CNTN4: variants seen among roughly 807,000 people sequenced by gnomAD.
CNTN4 encodes contactin-4.
Under a neutral mutation model 122.5 loss-of-function variants are expected in CNTN4, and 77 were observed. That is an observed-to-expected ratio of 0.63 (90% CI 0.52 to 0.76). CNTN4 has a LOEUF of 0.76. CNTN4 is among the 30% of genes least tolerant of loss of function. The pLI is 0.00. For synonymous variants in CNTN4, 512 were observed against 447.0 expected, an observed-to-expected ratio of 1.15 and a Z score of -1.83; for missense variants, 1,256 against 1,259.1, an observed-to-expected ratio of 1.00 and a Z score of 0.04.
intron 2 of CNTN4, among the ~76,000 whole-genome samples, chr3:2,182,987 T>A (rs1050988147): frequency 3.9e-5 from 6 of 152,122 alleles, no homozygotes; most frequent in Non-Finnish European, 7.4e-5. Context: ...AAGAACTATA[T>A]CCATATGGTA....
intron 4 of CNTN4, among the ~76,000 whole-genome samples, chr3:2,587,017 A>G (rs2080233810): frequency 6.6e-6 from 1 of 152,172 alleles, no homozygotes; most frequent in Non-Finnish European, 1.5e-5. Flanking sequence ...ATTTTCTTCA[A>G]ACATGCCTTC....
At chr3:2,172,898 G>C (rs2036577588) in intron 2 of CNTN4, among the ~76,000 whole-genome samples, 2 of 152,196 alleles carry the variant, frequency 1.3e-5, no homozygotes, top group Non-Finnish European at 2.9e-5. Flanking sequence ...CTTGGTCCCT[G>C]ATGGCATGTA....
Position 2,424,972 on chromosome 3 carries a change from C to T in CNTN4, c.-89+85739C>T, listed in dbSNP as rs2047763923. Among the ~76,000 whole-genome samples, 3 of 152,246 alleles carry T rather than the reference C, an allele frequency of 2.0e-5. No homozygotes were observed. The South Asian group carries it at 6.2e-4, about 32-fold the overall frequency. ...TTCTTTGTAGATTCTGGATATTACC[C>T]ATTTGTCAGATGGGTAGATTGCAAA... is the stretch of plus-strand genomic sequence containing the variant. On this transcript the variant is annotated intron_variant, in intron 3 of 24. Transcript: ENST00000418658.
intron 3 of CNTN4, among the ~76,000 whole-genome samples, chr3:2,347,805 T>A (rs934787262): frequency 1.4e-4 from 21 of 151,218 alleles, no homozygotes; most frequent in Non-Finnish European, 2.7e-4. Context: ...ATTTTTTTTT[T>A]TAATTTCAAT....
At chr3:2,871,273 G>C (rs1284239108) in intron 8 of CNTN4, among the ~76,000 whole-genome samples, 2 of 152,174 alleles carry the variant, frequency 1.3e-5, no homozygotes, top group Non-Finnish European at 2.9e-5. Context: ...ACTTTGAACA[G>C]TGACAAAACA....
At chr3:2,170,233 T>C (rs2036433070) in intron 2 of CNTN4, among the ~76,000 whole-genome samples, 1 of 151,690 alleles carries the variant, frequency 6.6e-6, no homozygotes, top group Non-Finnish European at 1.5e-5. Context: ...GGCGGGAGAA[T>C]GGCGGGAACC....
At chr3:2,899,331 C>T (rs1487325829) in intron 10 of CNTN4, among the ~76,000 whole-genome samples, 1 of 152,150 alleles carries the variant, frequency 6.6e-6, no homozygotes, top group Non-Finnish European at 1.5e-5. Context: ...GAGGTCAAGT[C>T]AGCTGGAAGA....
chr3:2,200,796 G>A (rs554403351), intron 2 of CNTN4, among the ~76,000 whole-genome samples: 1 of 152,250 alleles, frequency 6.6e-6, no homozygotes, highest in East Asian at 1.9e-4. Flanking sequence ...TGAATGTGGT[G>A]CATTTTGAAT....
intron 4 of CNTN4, among the ~76,000 whole-genome samples, chr3:2,628,359 G>A (rs1350780594): frequency 6.6e-6 from 1 of 152,212 alleles, no homozygotes; most frequent in Non-Finnish European, 1.5e-5. Flanking sequence ...GTGTGTGTGT[G>A]AGCTGGAGTA....
intron 13 of CNTN4, among the ~76,000 whole-genome samples, chr3:2,933,051 T>C (rs1577322761): frequency 6.6e-6 from 1 of 152,070 alleles, no homozygotes; most frequent in Non-Finnish European, 1.5e-5. Flanking sequence ...CTCGATCTCC[T>C]GACCTCGTGA....
intron 10 of CNTN4, among the ~76,000 whole-genome samples, chr3:2,892,668 G>C (rs1268714826): frequency 1.3e-5 from 2 of 152,158 alleles, no homozygotes; most frequent in Non-Finnish European, 2.9e-5. Flanking sequence ...TGAACTACAA[G>C]AGCCTGATAT....
chr3:2,143,878 A>G (rs755968231), intron 2 of CNTN4, among the ~76,000 whole-genome samples: 5 of 152,198 alleles, frequency 3.3e-5, no homozygotes, highest in Non-Finnish European at 5.9e-5. Context: ...ACTAATTTTA[A>G]TGGCTAACAC....
intron 3 of CNTN4, among the ~76,000 whole-genome samples, chr3:2,384,473 G>A (rs1156899704): frequency 6.6e-6 from 1 of 152,178 alleles, no homozygotes; most frequent in African/African-American, 2.4e-5. Flanking sequence ...TAGATTTAAT[G>A]TTAGAGAATG....
At chr3:2,954,208 G>A (rs1404953170) in intron 13 of CNTN4, among the ~76,000 whole-genome samples, 1 of 152,038 alleles carries the variant, frequency 6.6e-6, no homozygotes, top group East Asian at 1.9e-4. Context: ...ATCCTCTGAC[G>A]CCTCTGCTTG....
At chr3:2,804,507 T>C (rs2092419218) in intron 6 of CNTN4, among the ~76,000 whole-genome samples, 1 of 152,180 alleles carries the variant, frequency 6.6e-6, no homozygotes, top group African/African-American at 2.4e-5. Flanking sequence ...ATTTTATGTA[T>C]TGTTAATATG....
At chr3:2,800,120 G>T (rs930686978) in intron 6 of CNTN4, among the ~76,000 whole-genome samples, 1 of 148,316 alleles carries the variant, frequency 6.7e-6, no homozygotes, top group Non-Finnish European at 1.5e-5. Context: ...GGCTATTCAG[G>T]TTCCACAGGT....
chr3:2,252,954 G>A (rs1013420872), intron 2 of CNTN4, among the ~76,000 whole-genome samples: 12 of 151,736 alleles, frequency 7.9e-5, no homozygotes, highest in Admixed American at 2.0e-4. Flanking sequence ...TTGTCTTTTA[G>A]GGACTACTAT....
At chr3:2,824,436 G>A (rs147197190) in intron 7 of CNTN4, among the ~76,000 whole-genome samples, 39 of 150,698 alleles carry the variant, frequency 2.6e-4, no homozygotes, top group African/African-American at 8.8e-4. Context: ...CAGCCTGGGC[G>A]ACAGAGCGAG....
intron 2 of CNTN4, among the ~76,000 whole-genome samples, chr3:2,294,923 C>A (rs570821767): frequency 1.3e-5 from 2 of 151,954 alleles, no homozygotes; most frequent in Non-Finnish European, 2.9e-5. Context: ...TGAGAACATG[C>A]GGTGTTCAGT....
Sources: gnomAD v4.1 joint callset for allele counts (sites outside exome capture counted in the v4.1 genomes callset) on GRCh38, gnomAD v4.1.1 for gene constraint, MANE v1.5 for transcripts, NCBI Gene and HGNC (gene_info 2026-07-23, HGNC 2026-07-21) for gene names.